The following BMP6 variants were observed in gnomAD, a reference collection of about 807,000 sequenced individuals.
The protein encoded by BMP6 is bone morphogenetic protein 6.
In BMP6, 17 loss-of-function variants were observed where a neutral mutation model predicts 54.1. The observed-to-expected ratio is 0.31, with a 90% confidence interval of 0.22 to 0.47. The LOEUF is 0.47. Ranked by LOEUF, BMP6 falls within the 20% of genes least tolerant of loss-of-function variation. The probability of loss-of-function intolerance (pLI) is 1.00; values close to 1 mark genes in which losing one functional copy is unlikely to be tolerated. For missense variants in BMP6, 720 were observed against 690.4 expected (o/e 1.04, Z -0.48); for synonymous variants, 328 against 291.2 (o/e 1.13, Z -1.28).
Position 7,861,605 on chromosome 6 carries a change from T to G in BMP6, c.1006+6T>G. ...GAGCGTGGTGACAAGGGATGGTAAG[T>G]TATTATCCGCAAGCCTCCAACGTCC... On this transcript the variant is annotated splice_donor_region_variant and intron_variant, in intron 3 of 6. Transcript: ENST00000283147. 1.2e-6 allele frequency: 2 copies of G among 1,613,820 alleles called. No homozygotes were observed. Among genetic ancestry groups the G allele is most frequent in the Non-Finnish European group, 1.7e-6 (2 of 1,179,844 alleles).
chr6:7,728,050 C>T (rs1761779331), intron 1 of BMP6, among the ~76,000 whole-genome samples: 1 of 152,116 alleles, frequency 6.6e-6, no homozygotes, highest in Non-Finnish European at 1.5e-5. Flanking sequence ...TAAACTGCCG[C>T]CTTTTGCCCC....
chr6:7,827,412 A>G (rs549735476), intron 1 of BMP6, among the ~76,000 whole-genome samples: 3 of 152,290 alleles, frequency 2.0e-5, no homozygotes, highest in Admixed American at 2.0e-4. Flanking sequence ...ACCAATAATA[A>G]AGTACAATGT....
intron 2 of BMP6, among the ~76,000 whole-genome samples, chr6:7,848,252 T>A (rs1319673580): frequency 6.6e-6 from 1 of 152,186 alleles, no homozygotes; most frequent in Non-Finnish European, 1.5e-5. Context: ...TCAGCTTACT[T>A]GTCTATAAGT....
At chr6:7,826,774 A>G (rs935781690) in intron 1 of BMP6, among the ~76,000 whole-genome samples, 2 of 151,984 alleles carry the variant, frequency 1.3e-5, no homozygotes, top group Non-Finnish European at 2.9e-5. Flanking sequence ...AAATATGCAT[A>G]GCCACACAGT....
chr6:7,840,719 TAAC>T (rs759054151), intron 1 of BMP6, among the ~76,000 whole-genome samples: 2 of 152,052 alleles, frequency 1.3e-5, no homozygotes, highest in African/African-American at 2.4e-5. Context: ...TTATTGTCCT[TAAC>T]AATGGCAAGC....
At chr6:7,736,691 C>T (rs1001502722) in intron 1 of BMP6, among the ~76,000 whole-genome samples, 2 of 152,296 alleles carry the variant, frequency 1.3e-5, no homozygotes, top group African/African-American at 4.8e-5. Flanking sequence ...AATGTGGTAA[C>T]TGAAGAGCAG....
intron 2 of BMP6, among the ~76,000 whole-genome samples, chr6:7,852,582 A>T (rs6940503): frequency 0.055 from 8,359 of 152,182 alleles, 282 homozygotes; most frequent in African/African-American, 0.09. Flanking sequence ...GTCTCAAAAA[A>T]TTTTTTTTAA....
At chr6:7,843,029 C>T (rs781040025) in intron 1 of BMP6, among the ~76,000 whole-genome samples, 11 of 152,196 alleles carry the variant, frequency 7.2e-5, no homozygotes, top group Non-Finnish European at 1.0e-4. Flanking sequence ...TTTTAACCAA[C>T]GATGATAACA....
chr6:7,849,872 A>G (rs1038326064), intron 2 of BMP6, among the ~76,000 whole-genome samples: 2 of 152,200 alleles, frequency 1.3e-5, no homozygotes, highest in African/African-American at 2.4e-5. Flanking sequence ...TTCTGTGTGT[A>G]TGATAACTTT....
At chr6:7,839,290 A>G (rs967183781) in intron 1 of BMP6, among the ~76,000 whole-genome samples, 1 of 152,148 alleles carries the variant, frequency 6.6e-6, no homozygotes, top group Non-Finnish European at 1.5e-5. Context: ...TTGGCCTCCC[A>G]AGGGGCCGGG....
At chr6:7,848,712 A>G (rs1246948877) in intron 2 of BMP6, among the ~76,000 whole-genome samples, 4 of 152,244 alleles carry the variant, frequency 2.6e-5, no homozygotes, top group Non-Finnish European at 1.5e-5. Context: ...GGCTGCAACA[A>G]TAGTCTGCAT....
chr6:7,817,447 CCAT>C (rs1223011727), intron 1 of BMP6, among the ~76,000 whole-genome samples: 1 of 151,878 alleles, frequency 6.6e-6, no homozygotes, highest in Non-Finnish European at 1.5e-5. Context: ...AGGCTAGAAA[CCAT>C]CATTCTGAGA....
At chr6:7,868,516 T>C (rs529081045) in intron 4 of BMP6, among the ~76,000 whole-genome samples, 28 of 152,324 alleles carry the variant, frequency 1.8e-4, no homozygotes, top group African/African-American at 5.8e-4. Context: ...CCCAGAGATA[T>C]GGAAAGAGCG....
chr6:7,770,464 G>A (rs270392), intron 1 of BMP6, among the ~76,000 whole-genome samples: 110,180 of 152,024 alleles, frequency 0.72, 41,327 homozygotes, highest in Non-Finnish European at 0.84. Flanking sequence ...GGGACTGGGA[G>A]TTTTTTTCAC....
At chr6:7,835,490 A>G (rs1193553363) in intron 1 of BMP6, among the ~76,000 whole-genome samples, 1 of 152,188 alleles carries the variant, frequency 6.6e-6, no homozygotes, top group Non-Finnish European at 1.5e-5. Flanking sequence ...TGCAGTGGAA[A>G]TCAGGTGTGG....
chr6:7,863,002 G>GT (rs1759361373), intron 4 of BMP6, among the ~76,000 whole-genome samples: 2 of 152,052 alleles, frequency 1.3e-5, no homozygotes, highest in African/African-American at 4.8e-5. Flanking sequence ...TTTTGTTGTT[G>GT]TTGTTTGTTT....
At position 7,880,568 on chromosome 6, in the gene BMP6, T is replaced by G; in HGVS notation, c.*225T>G. 1 of 598,418 alleles carries G rather than the reference T, an allele frequency of 1.7e-6. No individual in the cohort carries two copies. The highest frequency in any genetic ancestry group is 2.9e-5 in the East Asian group (1 of 34,508). The allele number at this position is 598,418 out of a possible 1,614,324, so 37.1% of individuals were successfully genotyped here. ...GTCTGTAGCAAGCTGAGTTTGGATGTCTGTAGCATAAGGTCTGGTAACTGC... is the reference window on the plus strand; with the variant it reads ...GTCTGTAGCAAGCTGAGTTTGGATGGCTGTAGCATAAGGTCTGGTAACTGC... On this transcript the variant is annotated 3_prime_UTR_variant, in exon 7 of 7. Transcript: ENST00000283147.
chr6:7,787,244 A>G (rs967262736), intron 1 of BMP6, among the ~76,000 whole-genome samples: 5 of 152,226 alleles, frequency 3.3e-5, no homozygotes, highest in Non-Finnish European at 2.9e-5. Context: ...GTACATATGC[A>G]GATACACCAT....
At position 7,727,113 on chromosome 6, in the gene BMP6, C is replaced by G; in HGVS notation, c.158C>G (p.Thr53Arg). ...LLGDGGSPGR[T>R]EQPPPSPQSS... ...GGGGACGGCGGGAGCCCCGGCCGCA[C>G]GGAGCAGCCGCCGCCGTCGCCGCAG... Residue 53 changes from threonine to arginine, a missense_variant, in exon 1 of 7, where the codon ACG (threonine) becomes AGG (arginine). Thr to Arg is a moderately conservative substitution (Grantham distance 71, BLOSUM62 -1). Around this residue, in one of 3 missense-constraint regions of BMP6, gnomAD observed 650 missense variants for 556.3 expected, o/e 1.17. Coordinates refer to ENST00000283147, the MANE Select transcript of BMP6 (RefSeq NM_001718.6). 6 of 1,453,834 alleles carry G rather than the reference C, an allele frequency of 4.1e-6. No individual in the cohort carries two copies. Among genetic ancestry groups the G allele is most frequent in the Non-Finnish European group, 4.5e-6 (5 of 1,101,038 alleles). The allele number at this position is 1,453,834 out of a possible 1,614,324, so 90.1% of individuals were successfully genotyped here. A position where few individuals can be genotyped will look rare whatever the true frequency, so the allele number is the denominator to read the frequency against.
Sources: gnomAD v4.1 joint callset for allele counts (sites outside exome capture counted in the v4.1 genomes callset) on GRCh38, gnomAD v4.1.1 for gene constraint, gnomAD v4.1.1 regional missense constraint, MANE v1.5 for transcripts, NCBI Gene and HGNC (gene_info 2026-07-23, HGNC 2026-07-21) for gene names.